RBMS3: variants seen among roughly 807,000 people sequenced by gnomAD.
RBMS3 encodes the protein RNA binding motif single stranded interacting protein 3, also known as RNA-binding motif, single-stranded-interacting protein 3.
Under a neutral mutation model 66.8 loss-of-function variants are expected in RBMS3, and 27 were observed. The observed-to-expected ratio is 0.40, with a 90% CI of 0.30 to 0.56. RBMS3 has a LOEUF of 0.56. Among genes scored for constraint, RBMS3 ranks in the 20% least tolerant of loss-of-function variants. The pLI is 0.40. For synonymous variants in RBMS3, 188 were observed against 183.0 expected (o/e 1.03, Z -0.22); for missense variants, 513 against 549.5 (o/e 0.93, Z 0.66).
intron 4 of RBMS3, among the ~76,000 whole-genome samples, chr3:29,647,158 T>C (rs2049952859): frequency 6.6e-6 from 1 of 152,156 alleles, no homozygotes; most frequent in African/African-American, 2.4e-5. Flanking sequence ...TTTGTGTTTT[T>C]AGTAGAGATG....
At chr3:29,504,788 A>G (rs1576039224) in intron 3 of RBMS3, among the ~76,000 whole-genome samples, 1 of 151,960 alleles carries the variant, frequency 6.6e-6, no homozygotes, top group East Asian at 1.9e-4. Flanking sequence ...CCATTCTAAC[A>G]GGTGTGAGTT....
chr3:29,926,595 G>T (rs1041490944), intron 10 of RBMS3, among the ~76,000 whole-genome samples: 3 of 152,162 alleles, frequency 2.0e-5, no homozygotes, highest in African/African-American at 7.2e-5. Flanking sequence ...TTGCAAGCAG[G>T]TCTTTCAGTC....
intron 1 of RBMS3, among the ~76,000 whole-genome samples, chr3:29,366,911 A>G (rs1042404868): frequency 6.6e-6 from 1 of 152,160 alleles, no homozygotes; most frequent in Admixed American, 6.6e-5. Flanking sequence ...ATAGAAAAGC[A>G]TTTTGGTCCT....
chr3:29,444,314 G>A (rs1281342099), intron 2 of RBMS3, among the ~76,000 whole-genome samples: 2 of 152,056 alleles, frequency 1.3e-5, no homozygotes, highest in Non-Finnish European at 2.9e-5. Context: ...AAGAAGTTAA[G>A]TGACTTTCCC....
At chr3:29,398,201 G>C (rs922232792) in intron 1 of RBMS3, among the ~76,000 whole-genome samples, 2 of 152,170 alleles carry the variant, frequency 1.3e-5, no homozygotes, top group Non-Finnish European at 2.9e-5. Context: ...GGACACTTGA[G>C]AGGTGTGAAA....
At chr3:29,677,969 T>G (rs1326122705) in intron 4 of RBMS3, among the ~76,000 whole-genome samples, 2 of 152,154 alleles carry the variant, frequency 1.3e-5, no homozygotes, top group Admixed American at 1.3e-4. Context: ...TTTGTGAGAA[T>G]TAAATAAAGA....
intron 11 of RBMS3, among the ~76,000 whole-genome samples, chr3:29,938,014 A>T (rs188955759): frequency 3.6e-4 from 55 of 151,960 alleles, no homozygotes; most frequent in African/African-American, 1.3e-3. Flanking sequence ...AATGCAAAAC[A>T]TAGAAACTCT....
At position 29,516,435 on chromosome 3, in the gene RBMS3, G is replaced by GT. The variant is rs796090712; in HGVS notation, c.307+27945dup. Among the ~76,000 whole-genome samples, 733 of 151,346 alleles carry GT rather than the reference G, an allele frequency of 4.8e-3. 10 individuals are homozygous for GT. Among genetic ancestry groups the GT allele is most frequent in the African/African-American group, 0.017 (704 of 41,276 alleles). ...AAAGCCTGAAGACTATGGAGAGGAA[G>GT]TTTTTTTTTGTTTGTTTTTGTTTTT... is the stretch of plus-strand genomic sequence containing the variant. On this transcript the variant is annotated intron_variant, in intron 3 of 14. Coordinates refer to ENST00000383767, the MANE Select transcript of RBMS3 (RefSeq NM_001003793.3).
At chr3:29,388,660 T>C (rs1250744182) in intron 1 of RBMS3, among the ~76,000 whole-genome samples, 3 of 152,136 alleles carry the variant, frequency 2.0e-5, no homozygotes, top group African/African-American at 7.2e-5. Flanking sequence ...CTGCCAGCTC[T>C]GCCTCACGCC....
At chr3:29,909,658 A>C (rs1025381973) in intron 10 of RBMS3, among the ~76,000 whole-genome samples, 3 of 152,116 alleles carry the variant, frequency 2.0e-5, no homozygotes, top group Admixed American at 1.3e-4. Flanking sequence ...GCTAGGCACC[A>C]ACACATCTCC....
At chr3:29,867,370 G>T (rs1295016520) in intron 6 of RBMS3, among the ~76,000 whole-genome samples, 1 of 150,762 alleles carries the variant, frequency 6.6e-6, no homozygotes. Flanking sequence ...TTACACATTG[G>T]TGTGGTGGGC....
chr3:29,884,222 A>C lies in RBMS3; in HGVS notation c.791+14A>C, dbSNP rs1332583554. 3 of 1,596,412 alleles carry C rather than the reference A, an allele frequency of 1.9e-6. No individual in the cohort carries two copies. The highest frequency in any genetic ancestry group is 1.7e-4 in the Middle Eastern group (1 of 6,036). On this transcript the variant is annotated intron_variant, in intron 8 of 14. Transcript: ENST00000383767. The stretch of plus-strand genomic sequence containing the variant: ...CATACAGAATGGGTAAGTAGATCAC[A>C]TTTTCTCTATTTTAATTGTGAATAG...
intron 4 of RBMS3, among the ~76,000 whole-genome samples, chr3:29,674,399 G>A (rs2051142874): frequency 6.6e-6 from 1 of 152,090 alleles, no homozygotes. Flanking sequence ...GGAAGTTCTG[G>A]CCAGGGTAAT....
At chr3:29,669,543 G>A (rs2050906805) in intron 4 of RBMS3, among the ~76,000 whole-genome samples, 1 of 152,134 alleles carries the variant, frequency 6.6e-6, no homozygotes, top group Admixed American at 6.5e-5. Context: ...GGATATTTTT[G>A]TAATTTCCCT....
At chr3:29,774,944 G>T (rs1034414186) in intron 6 of RBMS3, among the ~76,000 whole-genome samples, 3 of 151,508 alleles carry the variant, frequency 2.0e-5, no homozygotes, top group Admixed American at 1.3e-4. Flanking sequence ...TGTTTTAATG[G>T]TGTCAATAAA....
chr3:29,572,249 A>T (rs1411074112), intron 3 of RBMS3, among the ~76,000 whole-genome samples: 1 of 151,870 alleles, frequency 6.6e-6, no homozygotes, highest in East Asian at 1.9e-4. Flanking sequence ...TTTCTTTGTC[A>T]TTTGGATGCC....
chr3:29,405,895 G>A (rs1338424085), intron 1 of RBMS3, among the ~76,000 whole-genome samples: 6 of 152,284 alleles, frequency 3.9e-5, no homozygotes, highest in Non-Finnish European at 8.8e-5. Context: ...CTCTTAAGAG[G>A]TGTATTGGAT....
chr3:29,829,042 C>CTT (rs760308395), intron 6 of RBMS3, among the ~76,000 whole-genome samples: 1 of 34,370 alleles, frequency 2.9e-5, no homozygotes, highest in African/African-American at 9.6e-5. Flanking sequence ...TTCTTTCTTT[C>CTT]TTTCTTTTGT....
chr3:29,495,300 T>A (rs2043700557), intron 3 of RBMS3, among the ~76,000 whole-genome samples: 1 of 152,100 alleles, frequency 6.6e-6, no homozygotes, highest in Non-Finnish European at 1.5e-5. Flanking sequence ...TATTTCTAGG[T>A]GAATAAATAT....
Sources: gnomAD v4.1 joint callset for allele counts (sites outside exome capture counted in the v4.1 genomes callset) on GRCh38, gnomAD v4.1.1 for gene constraint, MANE v1.5 for transcripts, NCBI Gene and HGNC (gene_info 2026-07-23, HGNC 2026-07-21) for gene names.